Variants in UPK1B observed in about 807,000 individuals in gnomAD.
UPK1B encodes the protein uroplakin-1b.
Under a neutral mutation model 34.2 loss-of-function variants are expected in UPK1B, and 28 were observed. The observed-to-expected ratio is 0.82, with a 90% CI of 0.61 to 1.12. UPK1B has a LOEUF of 1.12. Among genes scored for constraint, UPK1B ranks in the 50% most tolerant of loss-of-function variants. UPK1B has a pLI of 0.00. For synonymous variants in UPK1B, 81 were observed against 110.4 expected (o/e 0.73, Z 1.67); for missense variants, 325 against 320.9 (o/e 1.01, Z -0.10).
Position 119,179,398 on chromosome 3 carries a change from T to TATATATATA in UPK1B, c.-29+5760_-29+5761insATATATATA, listed in dbSNP as rs71156734. On this transcript the variant is annotated intron_variant, in intron 1 of 7. Coordinates refer to ENST00000264234, the MANE Select transcript of UPK1B (RefSeq NM_006952.4). Reference sequence around the variant, plus strand: ...ATATATATATATATATATATATATATTAATTCTAAGGAATTAACCTATGTG... The same window carrying TATATATATA: ...ATATATATATATATATATATATATATATATATATATAATTCTAAGGAATTAACCTATGTG... Among the ~76,000 whole-genome samples, 396 of 58,560 alleles carry TATATATATA rather than the reference T, an allele frequency of 6.8e-3. 8 individuals carry two copies. The highest frequency in any genetic ancestry group is 9.2e-3 in the Non-Finnish European group (278 of 30,150). The allele number at this position is 58,560 out of a possible 152,430, so 38.4% of individuals were successfully genotyped here. A position where few individuals can be genotyped will look rare whatever the true frequency, so the allele number is the denominator to read the frequency against.
At chr3:119,184,291 T>A (rs116366867) in intron 1 of UPK1B, among the ~76,000 whole-genome samples, 90 of 152,318 alleles carry the variant, frequency 5.9e-4, no homozygotes, top group Non-Finnish European at 1.0e-3. Flanking sequence ...GCCACCTCCC[T>A]TGATCGGGGC....
At chr3:119,173,734 G>A (rs1266985138) in intron 1 of UPK1B, 96 bp downstream of exon 1, 1 of 152,252 alleles carries the variant, frequency 6.6e-6, no homozygotes, top group Non-Finnish European at 1.5e-5. Context: ...AGGGAAAGGG[G>A]AAGAAGTTAG....
At chr3:119,188,197 G>A (rs2078028225) in intron 3 of UPK1B, among the ~76,000 whole-genome samples, 1 of 152,146 alleles carries the variant, frequency 6.6e-6, no homozygotes, top group South Asian at 2.1e-4. Context: ...AGCCAAAGGG[G>A]AGACACCTGG....
Position 119,186,940 on chromosome 3 carries a change from G to T in UPK1B, c.69+130G>T. 3.4e-6 allele frequency: 3 copies of T among 888,616 alleles called. 1 individual carries two copies. The highest frequency in any genetic ancestry group is 5.1e-6 in the Non-Finnish European group (3 of 583,598). The allele number at this position is 888,616 out of a possible 1,614,324, so 55.0% of individuals were successfully genotyped here. ...TTCCTATATTTTTGCTTCATTTTAA[G>T]AAATGTGTTAGTAAATATGCTAGCT... On this transcript the variant is annotated intron_variant, in intron 2 of 7. Transcript: ENST00000264234.
At chr3:119,188,029 C>G in intron 3 of UPK1B, 54 bp downstream of exon 3, 1 of 1,572,882 alleles carries the variant, frequency 6.4e-7, no homozygotes, top group Non-Finnish European at 8.7e-7. Flanking sequence ...GTAATGGATT[C>G]TTTCTTCTTC....
intron 1 of UPK1B, among the ~76,000 whole-genome samples, chr3:119,179,319 GT>G (rs1240312334): frequency 7.9e-6 from 1 of 126,834 alleles, no homozygotes; most frequent in Non-Finnish European, 1.7e-5. Flanking sequence ...CAAAGACCCT[GT>G]TGAGAGAGAG....
Position 119,175,012 on chromosome 3 carries a change from C to CTTTTTTT in UPK1B, c.-29+1403_-29+1409dup, listed in dbSNP as rs374721069. The stretch of plus-strand genomic sequence containing the variant: ...CAGAACTTTTTTTTTCTTTTATTTT[C>CTTTTTTT]TTTTTTTTTTTTTTTTTTTTTTTTT... On this transcript the variant is annotated intron_variant, in intron 1 of 7. Transcript: ENST00000264234. Among the ~76,000 whole-genome samples the CTTTTTTT allele has an allele frequency of 5.5e-4, 37 of 67,414 alleles. 1 individual carries two copies. Among genetic ancestry groups the CTTTTTTT allele is most frequent in the Admixed American group, 8.7e-4 (4 of 4,610 alleles). 44.2% of individuals were successfully genotyped at this position (67,414 alleles called of 152,430 possible).
chr3:119,192,632 A>T (rs1374294762), intron 5 of UPK1B, among the ~76,000 whole-genome samples: 1 of 152,182 alleles, frequency 6.6e-6, no homozygotes, highest in Non-Finnish European at 1.5e-5. Flanking sequence ...TTAGACAAGA[A>T]CCACCTCATC....
At chr3:119,176,515 A>G (rs922798908) in intron 1 of UPK1B, among the ~76,000 whole-genome samples, 3 of 152,238 alleles carry the variant, frequency 2.0e-5, no homozygotes, top group Non-Finnish European at 4.4e-5. Flanking sequence ...AAAGCAAAGG[A>G]ACTCCCAGGG....
chr3:119,176,670 C>T (rs946542603), intron 1 of UPK1B, among the ~76,000 whole-genome samples: 1 of 152,174 alleles, frequency 6.6e-6, no homozygotes, highest in Non-Finnish European at 1.5e-5. Context: ...CCATCTCTAA[C>T]GCGGGCAGTT....
chr3:119,186,682 C>G (rs1387934067), intron 1 of UPK1B, 32 bp from the exon 2 acceptor site: 4 of 1,566,112 alleles, frequency 2.6e-6, no homozygotes, highest in Non-Finnish European at 3.5e-6. Flanking sequence ...GTTACAGAAA[C>G]TGTAGCAGTT....
At chr3:119,199,955 T>C (rs2078084362) in intron 7 of UPK1B, among the ~76,000 whole-genome samples, 1 of 152,196 alleles carries the variant, frequency 6.6e-6, no homozygotes, top group Admixed American at 6.5e-5. Context: ...ATAAGCCCAT[T>C]AAAAGTTATC....
chr3:119,186,200 A>G (rs1334338086), intron 1 of UPK1B, among the ~76,000 whole-genome samples: 1 of 152,200 alleles, frequency 6.6e-6, no homozygotes, highest in Non-Finnish European at 1.5e-5. Flanking sequence ...CTCATATACA[A>G]CGGGGCACTT....
intron 6 of UPK1B, among the ~76,000 whole-genome samples, chr3:119,196,197 T>C (rs2078066743): frequency 6.6e-6 from 1 of 152,170 alleles, no homozygotes; most frequent in African/African-American, 2.4e-5. Context: ...TATCTATTAG[T>C]CCTTTCTGAT....
At chr3:119,182,870 C>T (rs1351334216) in intron 1 of UPK1B, among the ~76,000 whole-genome samples, 1 of 152,166 alleles carries the variant, frequency 6.6e-6, no homozygotes, top group East Asian at 1.9e-4. Flanking sequence ...GAATTCTGGT[C>T]TTGGGGGTAG....
chr3:119,186,643 G>A (rs2078020515), intron 1 of UPK1B, 71 bp from the exon 2 acceptor site: 3 of 1,153,948 alleles, frequency 2.6e-6, no homozygotes, highest in South Asian at 2.7e-5. Context: ...GGAACAAGGA[G>A]GCAATACGCA....
intron 5 of UPK1B, among the ~76,000 whole-genome samples, chr3:119,192,502 T>C (rs1220370794): frequency 6.6e-6 from 1 of 152,214 alleles, no homozygotes; most frequent in Non-Finnish European, 1.5e-5. Flanking sequence ...TAGTATATTT[T>C]CCCAGAAAAT....
chr3:119,195,649 A>G (rs2078063399), intron 6 of UPK1B, among the ~76,000 whole-genome samples: 1 of 152,208 alleles, frequency 6.6e-6, no homozygotes. Flanking sequence ...AGGACTATAA[A>G]AGGCTTTTGA....
At chr3:119,185,756 T>C (rs3806697) in intron 1 of UPK1B, among the ~76,000 whole-genome samples, 33,262 of 152,218 alleles carry the variant, frequency 0.22, 3,940 homozygotes, top group Middle Eastern at 0.35. Flanking sequence ...AATTAAATGT[T>C]GAGAGCTGTA....
Sources: allele counts gnomAD v4.1 joint callset (sites outside exome capture counted in the v4.1 genomes callset), GRCh38; gene constraint gnomAD v4.1.1; transcripts MANE v1.5; gene names NCBI Gene and HGNC (gene_info 2026-07-23, HGNC 2026-07-21).